The following SRBD1 variants were observed in gnomAD, a reference collection of about 807,000 sequenced individuals.
The protein encoded by SRBD1 is S1 RNA-binding domain-containing protein 1.
Under a neutral mutation model 115.3 loss-of-function variants are expected in SRBD1, and 88 were observed. The ratio of observed to expected loss-of-function variants is 0.76; its 90% CI spans 0.64 to 0.91. The LOEUF (loss-of-function observed/expected upper bound fraction) is 0.91, where lower values mean the gene tolerates loss of function less well. Ranked by LOEUF, SRBD1 falls within the 40% of genes least tolerant of loss-of-function variation. The probability of loss-of-function intolerance (pLI) is 0.00; values close to 1 mark genes in which losing one functional copy is unlikely to be tolerated. For synonymous variants in SRBD1, 509 were observed against 407.7 expected, an observed-to-expected ratio of 1.25 and a Z score of -2.99; for missense variants, 1,385 against 1,177.4, an observed-to-expected ratio of 1.18 and a Z score of -2.58.
chr2:45,527,325 C>T (rs895299065), intron 14 of SRBD1, among the ~76,000 whole-genome samples: 1 of 151,704 alleles, frequency 6.6e-6, no homozygotes, highest in African/African-American at 2.4e-5. Context: ...AAAAAAGTTA[C>T]ATAAATCGGT....
At chr2:45,448,479 AG>A (rs1321640701) in intron 16 of SRBD1, among the ~76,000 whole-genome samples, 1 of 152,230 alleles carries the variant, frequency 6.6e-6, no homozygotes, top group African/African-American at 2.4e-5. Flanking sequence ...CATTAGGCAC[AG>A]AGCTGGAAAA....
intron 14 of SRBD1, among the ~76,000 whole-genome samples, chr2:45,510,377 C>A (rs555390781): frequency 2.0e-5 from 3 of 152,296 alleles, no homozygotes; most frequent in East Asian, 3.9e-4. Flanking sequence ...AAGGAGCATA[C>A]AATTCACACA....
chr2:45,590,492 C>T lies in SRBD1; in HGVS notation c.649-4718G>A, dbSNP rs530250694. 5.3e-5 allele frequency among the ~76,000 whole-genome samples: 8 copies of T among 152,332 alleles called. No individual in the cohort carries two copies. The South Asian group carries it at 6.2e-4, about 12-fold the overall frequency. On this transcript the variant is annotated intron_variant, in intron 4 of 20. Transcript: ENST00000263736. Reference sequence around the variant, plus strand: ...TGTAATCCCCATAATCCCCACGTGTCAAGGGCAGAACCTGGTGGAGGTAAT... The same window carrying T: ...TGTAATCCCCATAATCCCCACGTGTTAAGGGCAGAACCTGGTGGAGGTAAT...
intron 1 of SRBD1, among the ~76,000 whole-genome samples, chr2:45,608,488 C>A (rs2104273217): frequency 6.6e-6 from 1 of 152,304 alleles, no homozygotes; most frequent in South Asian, 2.1e-4. Context: ...AGGCCTGTTT[C>A]TCCATCTCCA....
chr2:45,515,769 A>G (rs1671099936), intron 14 of SRBD1, among the ~76,000 whole-genome samples: 2 of 152,236 alleles, frequency 1.3e-5, no homozygotes, highest in African/African-American at 4.8e-5. Flanking sequence ...ATCAGCAGCC[A>G]AGAAAGACCT....
intron 14 of SRBD1, among the ~76,000 whole-genome samples, chr2:45,542,031 C>A (rs2082876): frequency 0.52 from 78,494 of 152,038 alleles, 20,734 homozygotes; most frequent in African/African-American, 0.55. Flanking sequence ...CCCCTTGCTG[C>A]ACAGGAATGT....
In SRBD1 at chr2:45,397,230, A is replaced by G. The variant is rs1204281960; in HGVS notation, c.2514-4101T>C. 5.9e-5 allele frequency among the ~76,000 whole-genome samples: 9 copies of G among 152,370 alleles called. 1 individual carries two copies. The South Asian group carries it at 1.7e-3, about 28-fold the overall frequency. ...AGAAAATCTGGCCTTCTAAAAAACT[A>G]TGTAAACTGTGGGACATAAATGCAA... On this transcript the variant is annotated intron_variant, in intron 19 of 20. Transcript: ENST00000263736.
chr2:45,551,962 C>CA (rs1391946928), intron 11 of SRBD1, among the ~76,000 whole-genome samples: 3 of 152,052 alleles, frequency 2.0e-5, no homozygotes, highest in African/African-American at 2.4e-5. Flanking sequence ...GTAATCCAGA[C>CA]AAAAAATGAT....
chr2:45,560,933 T>C (rs1449877695), intron 10 of SRBD1, among the ~76,000 whole-genome samples: 11 of 145,746 alleles, frequency 7.5e-5, no homozygotes, highest in Non-Finnish European at 1.5e-4. Context: ...TGGCAAGACC[T>C]CATCTCTTAA....
chr2:45,603,355 C>A (rs767574637), intron 2 of SRBD1, among the ~76,000 whole-genome samples: 2 of 152,110 alleles, frequency 1.3e-5, no homozygotes, highest in Admixed American at 1.3e-4. Flanking sequence ...CCCTTACATA[C>A]AGGAACCCCA....
intron 4 of SRBD1, among the ~76,000 whole-genome samples, chr2:45,598,539 G>A (rs537130631): frequency 2.6e-5 from 4 of 151,964 alleles, no homozygotes; most frequent in African/African-American, 9.7e-5. Context: ...GCATGAACCC[G>A]GGAGGTGGAG....
chr2:45,482,069 A>G (rs542387536), intron 15 of SRBD1, among the ~76,000 whole-genome samples: 2 of 152,274 alleles, frequency 1.3e-5, no homozygotes, highest in Admixed American at 1.3e-4. Flanking sequence ...CTATACTAGA[A>G]AACACTGACT....
At chr2:45,427,801 T>C (rs910003874) in intron 16 of SRBD1, among the ~76,000 whole-genome samples, 4 of 152,210 alleles carry the variant, frequency 2.6e-5, no homozygotes, top group African/African-American at 9.7e-5. Context: ...GATGCAAGCC[T>C]GGTTCAACAT....
chr2:45,424,878 G>C (rs965277792), intron 16 of SRBD1, among the ~76,000 whole-genome samples: 2 of 152,140 alleles, frequency 1.3e-5, no homozygotes, highest in Non-Finnish European at 2.9e-5. Context: ...CCCTTAAATA[G>C]AGTGAGAGAG....
chr2:45,606,033 C>G (rs1316090679), intron 1 of SRBD1, among the ~76,000 whole-genome samples: 2 of 151,394 alleles, frequency 1.3e-5, no homozygotes, highest in Admixed American at 1.3e-4. Flanking sequence ...AAACTGTGTG[C>G]TTCATTTTTT....
At chr2:45,395,964 G>A (rs1197743388) in intron 19 of SRBD1, among the ~76,000 whole-genome samples, 1 of 152,132 alleles carries the variant, frequency 6.6e-6, no homozygotes, top group Non-Finnish European at 1.5e-5. Context: ...TCAATACAAA[G>A]TACTTTCTGG....
intron 19 of SRBD1, among the ~76,000 whole-genome samples, chr2:45,400,764 T>A (rs1285565295): frequency 1.3e-5 from 2 of 151,988 alleles, no homozygotes; most frequent in Non-Finnish European, 2.9e-5. Flanking sequence ...TATAACCCCA[T>A]GAGATATGGT....
chr2:45,551,212 A>G lies in SRBD1; in HGVS notation c.1588T>C (p.Leu530=). 1 of 1,613,176 alleles carries G rather than the reference A, an allele frequency of 6.2e-7. No individual in the cohort carries two copies. Among genetic ancestry groups the G allele is most frequent in the Non-Finnish European group, 8.5e-7 (1 of 1,179,830 alleles). ...MFGRNLRQLL[L]TSPVPGRTLM... is the part of the protein sequence containing the mutation. The stretch of plus-strand genomic sequence containing the variant: ...GTGCGCCCTGGAACAGGGCTTGTTA[A>G]AAGGAGCTGACGAAGGTTCCGTCCA... Residue 530 remains leucine, a synonymous_variant, in exon 12 of 21, where the codon TTA becomes CTA. Coordinates refer to ENST00000263736, the MANE Select transcript of SRBD1 (RefSeq NM_018079.5).
intron 16 of SRBD1, among the ~76,000 whole-genome samples, chr2:45,446,794 C>G (rs771345782): frequency 6.6e-6 from 1 of 151,572 alleles, no homozygotes; most frequent in Non-Finnish European, 1.5e-5. Flanking sequence ...GAATGAGCAT[C>G]AGACTGCCAT....
Sources: gnomAD v4.1 joint callset for allele counts (sites outside exome capture counted in the v4.1 genomes callset) on GRCh38, gnomAD v4.1.1 for gene constraint, MANE v1.5 for transcripts, NCBI Gene and HGNC (gene_info 2026-07-23, HGNC 2026-07-21) for gene names.